Variants in NGRN observed in about 807,000 individuals in gnomAD.
NGRN encodes the protein neugrin, neurite outgrowth associated.
In NGRN, 12 loss-of-function variants were observed where a neutral mutation model predicts 13.1. The ratio of observed to expected loss-of-function variants is 0.92; its 90% confidence interval spans 0.59 to 1.49. The LOEUF (loss-of-function observed/expected upper bound fraction) is 1.49, where lower values mean the gene tolerates loss of function less well. Ranked by LOEUF, NGRN falls within the 40% of genes most tolerant of loss-of-function variation. The probability of loss-of-function intolerance (pLI) is 0.00; values close to 1 mark genes in which losing one functional copy is unlikely to be tolerated. For synonymous variants in NGRN, 149 were observed against 145.8 expected (o/e 1.02, Z -0.16); for missense variants, 397 against 357.0 (o/e 1.11, Z -0.90).
At chr15:90,268,399 A>G (rs1963458860) in intron 2 of NGRN, among the ~76,000 whole-genome samples, 1 of 151,834 alleles carries the variant, frequency 6.6e-6, no homozygotes, top group Admixed American at 6.6e-5. Context: ...AGAGGAAAAA[A>G]AAAAAACAGT....
Position 90,271,262 on chromosome 15 carries a change from T to G in NGRN, c.350T>G (p.Val117Gly), listed in dbSNP as rs773238382. ...LAEGFDVSTD[V>G]IRRVLKSKFL... The stretch of plus-strand genomic sequence containing the variant: ...GAAGGCTTTGATGTCAGCACTGATG[T>G]GATCCGAAGAGTTTTAAAAAGCAAG... Residue 117 changes from valine (V) to glycine (G), a missense_variant, in exon 3 of 3, where the codon GTG becomes GGG. Val to Gly is a moderately radical substitution (Grantham distance 109, BLOSUM62 -3). Transcript: ENST00000379095. The G allele has an allele frequency of 1.2e-6, 2 of 1,614,192 alleles. No individual in the cohort carries two copies. The highest frequency in any genetic ancestry group is 3.3e-5 in the Admixed American group (2 of 60,024).
rs1426198502 is a variant in NGRN, at chr15:90,271,397, TG to T, written c.486del (p.Leu163SerfsTer29). 1 of 1,613,910 alleles carries T rather than the reference TG, an allele frequency of 6.2e-7. No homozygotes were observed. The highest frequency in any genetic ancestry group is 8.5e-7 in the Non-Finnish European group (1 of 1,180,006). On this transcript the variant is annotated frameshift_variant, in exon 3 of 3. Transcript: ENST00000379095. LOFTEE classifies it low-confidence loss of function (END_TRUNC). The part of the protein sequence containing the change: ...HLRGSGNTSK[L>X]LPAGHSVSGS... The stretch of plus-strand genomic sequence containing the variant: ...CGGGGCTCTGGAAATACCTCAAAGC[TG>T]CTCCCTGCAGGCCACTCTGTATCAG...
chr15:90,267,433 A>T (rs1170855317), intron 2 of NGRN, among the ~76,000 whole-genome samples: 1 of 152,106 alleles, frequency 6.6e-6, no homozygotes. Flanking sequence ...TGGTGTTATT[A>T]TATTTTTTTG....
rs2151660968 is a variant in NGRN at position 90,271,722 on chromosome 15, C to G, written c.810C>G (p.Ser270Arg). 6.2e-7 allele frequency: 1 copy of G among 1,614,170 alleles called. No homozygotes were observed. The highest frequency in any genetic ancestry group is 8.5e-7 in the Non-Finnish European group (1 of 1,180,044). The change falls in exon 3 of 3, where the codon AGC becomes AGG. Residue 270 changes from serine (S) to arginine (R), a missense_variant. Physicochemically the swap from Ser to Arg is moderately radical, Grantham distance 110. Coordinates refer to ENST00000379095, the MANE Select transcript of NGRN (RefSeq NM_001033088.3). ...ELKAEEPDNF[S>R]SKVVQRGREF... The stretch of plus-strand genomic sequence containing the variant: ...AGGCAGAGGAGCCAGATAACTTCAG[C>G]AGCAAAGTAGTGCAGAGGGGCCGAG...
rs1332944120 is a variant in NGRN, at chr15:90,272,035, A to G, written c.*247A>G. ...TTAGGCTCTCTGTGTGTTGAAAGCC[A>G]TCCCGTGTTGCATGTGTTGTTACAA... On this transcript the variant is annotated 3_prime_UTR_variant, in exon 3 of 3. Transcript: ENST00000379095. 3 of 491,584 alleles carry G rather than the reference A, an allele frequency of 6.1e-6. No individual in the cohort carries two copies. The highest frequency in any genetic ancestry group is 6.9e-5 in the Admixed American group (2 of 29,180). The allele number at this position is 491,584 out of a possible 1,614,324, so 30.5% of individuals were successfully genotyped here.
At chr15:90,269,705 T>G (rs1963478418) in intron 2 of NGRN, among the ~76,000 whole-genome samples, 1 of 152,152 alleles carries the variant, frequency 6.6e-6, no homozygotes, top group South Asian at 2.1e-4. Flanking sequence ...AAGGCATATA[T>G]TCAACTGTGT....
In NGRN at chr15:90,266,286, A is replaced by G. The variant is rs1963418607; in HGVS notation, c.165-2A>G. ...CTTCTGCCATTGGTTCTCTTCCCCC[A>G]GCACCCTGAAACGACAGAAACAAGC... is the stretch of plus-strand genomic sequence containing the variant. On this transcript the variant is annotated splice_acceptor_variant, in intron 1 of 2. Coordinates refer to ENST00000379095, the MANE Select transcript of NGRN (RefSeq NM_001033088.3). LOFTEE classifies it high-confidence loss of function. 6.2e-7 allele frequency: 1 copy of G among 1,612,652 alleles called. No individual in the cohort carries two copies. Among genetic ancestry groups the G allele is most frequent in the Non-Finnish European group, 8.5e-7 (1 of 1,179,398 alleles).
intron 2 of NGRN, among the ~76,000 whole-genome samples, chr15:90,267,827 A>T (rs1963451055): frequency 6.6e-6 from 1 of 152,186 alleles, no homozygotes; most frequent in Non-Finnish European, 1.5e-5. Flanking sequence ...TGCATTTGCA[A>T]TTTGATAAAT....
chr15:90,265,698 C>G lies in NGRN; in HGVS notation c.-15C>G, dbSNP rs781388680. 2 of 1,613,124 alleles carry G rather than the reference C, an allele frequency of 1.2e-6. No individual in the cohort carries two copies. Among genetic ancestry groups the G allele is most frequent in the Non-Finnish European group, 8.5e-7 (1 of 1,179,820 alleles). On this transcript the variant is annotated 5_prime_UTR_variant, in exon 1 of 3. Coordinates refer to ENST00000379095, the MANE Select transcript of NGRN (RefSeq NM_001033088.3). ...CTGTTTCGTAGCCGACTGCTGAAGG[C>G]TGGTTTGCGTCGACATGGCGGTTAC...
At chr15:90,269,589 C>T (rs775699513) in intron 2 of NGRN, among the ~76,000 whole-genome samples, 14 of 152,064 alleles carry the variant, frequency 9.2e-5, no homozygotes, top group Non-Finnish European at 1.9e-4. Flanking sequence ...TTTTAGTTCA[C>T]TCTGCATATT....
chr15:90,271,893 A>C lies in NGRN; in HGVS notation c.*105A>C. 1 of 1,473,332 alleles carries C rather than the reference A, an allele frequency of 6.8e-7. No individual in the cohort carries two copies. The highest frequency in any genetic ancestry group is 9.2e-7 in the Non-Finnish European group (1 of 1,091,822). The allele number at this position is 1,473,332 out of a possible 1,614,324, so 91.3% of individuals were successfully genotyped here. A position where few individuals can be genotyped will look rare whatever the true frequency, so the allele number is the denominator to read the frequency against. On this transcript the variant is annotated 3_prime_UTR_variant, in exon 3 of 3. Transcript: ENST00000379095. ...GCATATGGATAAGCCACCTTGGAAT[A>C]GGAAGAGGTGTTGAGCCTGGACTGT... is the stretch of plus-strand genomic sequence containing the variant.
Position 90,266,354 on chromosome 15 carries a change from T to G in NGRN, c.231T>G (p.Gly77=), listed in dbSNP as rs148744537. 14,281 of 1,613,878 alleles carry G rather than the reference T, an allele frequency of 8.8e-3. 86 individuals are homozygous for G. Among genetic ancestry groups the G allele is most frequent in the Non-Finnish European group, 0.01 (12,359 of 1,179,924 alleles). ...TTCGGAGGCAAATGGAGGCGCCTGG[T>G]GCCCCGCCCAGGACCCTGACGTGGG... ...QKIRRQMEAP[G]APPRTLTWEA... is the part of the protein sequence containing the mutation. Residue 77 remains glycine (G), a synonymous_variant, in exon 2 of 3, where the codon GGT becomes GGG. Transcript: ENST00000379095.
At chr15:90,266,633 C>G (rs1052851404) in intron 2 of NGRN, among the ~76,000 whole-genome samples, 3 of 152,136 alleles carry the variant, frequency 2.0e-5, no homozygotes, top group African/African-American at 7.2e-5. Flanking sequence ...GCTATCGCCT[C>G]GAACTCCAGA....
chr15:90,268,278 C>T (rs935992450), intron 2 of NGRN, among the ~76,000 whole-genome samples: 2 of 152,116 alleles, frequency 1.3e-5, no homozygotes, highest in Non-Finnish European at 2.9e-5. Context: ...GCTGGGATTA[C>T]AGGCATGAGC....
chr15:90,271,604 C>A lies in NGRN; in HGVS notation c.692C>A (p.Pro231Gln), dbSNP rs770849559. The A allele has an allele frequency of 1.3e-5, 21 of 1,614,022 alleles. No homozygotes were observed. In the Admixed American group the frequency reaches 3.2e-4, roughly 24 times the overall value. ...FVPVAAPLGHPRELQKYSSDS... is the reference protein window; with the variant it reads ...FVPVAAPLGHQRELQKYSSDS... ...CCTGTTGCTGCACCCCTAGGTCATC[C>A]AAGAGAGCTGCAGAAGTACTCCAGT... The change falls in exon 3 of 3, where the codon CCA becomes CAA. Residue 231 changes from proline to glutamine, a missense_variant. By Grantham distance (76) the Pro-to-Gln change is moderately conservative. Transcript: ENST00000379095.
rs367968713 is a variant in NGRN, at chr15:90,271,318, C to G, written c.406C>G (p.Gln136Glu). ...FLPTLEQKLK[Q>E]DQKVLKKAGL... Reference sequence around the variant, plus strand: ...ACCCACATTGGAGCAGAAGCTGAAGCAGGATCAAAAAGTCCTTAAGAAAGC... The same window carrying G: ...ACCCACATTGGAGCAGAAGCTGAAGGAGGATCAAAAAGTCCTTAAGAAAGC... Residue 136 changes from glutamine (Q) to glutamate (E), a missense_variant, in exon 3 of 3, where the codon CAG becomes GAG. Coordinates refer to ENST00000379095, the MANE Select transcript of NGRN (RefSeq NM_001033088.3). The G allele has an allele frequency of 1.2e-6, 2 of 1,614,096 alleles. No individual in the cohort carries two copies. The highest frequency in any genetic ancestry group is 1.1e-5 in the South Asian group (1 of 91,088).
chr15:90,268,043 G>A (rs1963454303), intron 2 of NGRN, among the ~76,000 whole-genome samples: 1 of 152,074 alleles, frequency 6.6e-6, no homozygotes, highest in Admixed American at 6.5e-5. Context: ...TCACTCTGTC[G>A]CCCAGGCCAG....
chr15:90,267,009 C>G (rs539339535), intron 2 of NGRN, among the ~76,000 whole-genome samples: 1 of 151,450 alleles, frequency 6.6e-6, no homozygotes, highest in Non-Finnish European at 1.5e-5. Context: ...TTATTTGTCC[C>G]ACCCACTCTC....
chr15:90,267,562 A>G (rs1963445213), intron 2 of NGRN, among the ~76,000 whole-genome samples: 1 of 152,186 alleles, frequency 6.6e-6, no homozygotes, highest in Non-Finnish European at 1.5e-5. Flanking sequence ...GCTGGTCTCA[A>G]ACTTCTGGCC....
Sources: gnomAD v4.1 joint callset for allele counts (sites outside exome capture counted in the v4.1 genomes callset) on GRCh38, gnomAD v4.1.1 for gene constraint, MANE v1.5 for transcripts, NCBI Gene and HGNC (gene_info 2026-07-23, HGNC 2026-07-21) for gene names.